FUBP3: variants seen among roughly 807,000 people sequenced by gnomAD.
FUBP3 encodes the protein far upstream element-binding protein 3.
In FUBP3, 28 loss-of-function variants were observed where a neutral mutation model predicts 85.6. The ratio of observed to expected loss-of-function variants is 0.33; its 90% confidence interval spans 0.24 to 0.45. The LOEUF (loss-of-function observed/expected upper bound fraction) is 0.45. FUBP3 is among the 20% of genes least tolerant of loss of function. The pLI, the probability that FUBP3 is intolerant of heterozygous loss-of-function variation, is 1.00. For missense variants in FUBP3, 583 were observed against 755.1 expected, an observed-to-expected ratio of 0.77 and a Z score of 2.67; for synonymous variants, 271 against 271.4, an observed-to-expected ratio of 1.00 and a Z score of 0.01.
intron 11 of FUBP3, among the ~76,000 whole-genome samples, chr9:130,625,476 C>G (rs1829933896): frequency 6.6e-6 from 1 of 152,174 alleles, no homozygotes; most frequent in Non-Finnish European, 1.5e-5. Context: ...CAGGTTTTGC[C>G]CAACATTTCT....
chr9:130,594,785 A>C (rs544756752), intron 1 of FUBP3, among the ~76,000 whole-genome samples: 1 of 151,980 alleles, frequency 6.6e-6, no homozygotes, highest in African/African-American at 2.4e-5. Context: ...AGGCCTTTCA[A>C]ATATTCTTGG....
chr9:130,600,549 G>A (rs975137203), intron 2 of FUBP3, among the ~76,000 whole-genome samples: 1 of 151,994 alleles, frequency 6.6e-6, no homozygotes, highest in African/African-American at 2.4e-5. Flanking sequence ...AGGCTGGAGT[G>A]CAGTGGGGCA....
In FUBP3 at chr9:130,614,160, G is replaced by A. The variant is rs746148518; in HGVS notation, c.347-128G>A. On this transcript the variant is annotated intron_variant, in intron 5 of 18. Coordinates refer to ENST00000319725, the MANE Select transcript of FUBP3 (RefSeq NM_003934.2). ...TTCTGTCCACAAGTGGAAGCAAACT[G>A]TCTTTTTCTGGGAGCCTGGGCCTCT... 11 of 576,926 alleles carry A rather than the reference G, an allele frequency of 1.9e-5. No individual in the cohort carries two copies. The East Asian group carries it at 2.2e-4, about 11-fold the overall frequency. The allele number at this position is 576,926 out of a possible 1,614,324, so 35.7% of individuals were successfully genotyped here.
chr9:130,615,957 T>C (rs758744757), intron 6 of FUBP3, among the ~76,000 whole-genome samples: 12 of 152,174 alleles, frequency 7.9e-5, no homozygotes, highest in Non-Finnish European at 1.3e-4. Context: ...ATTTAACAAA[T>C]GTATATATTG....
intron 2 of FUBP3, chr9:130,596,718 T>G: frequency 2.5e-6 from 1 of 396,872 alleles, no homozygotes; most frequent in South Asian, 1.9e-5. Flanking sequence ...ATGTCCTGAA[T>G]AAACCCTATG....
rs556915582 is a variant in FUBP3 at position 130,612,284 on chromosome 9, C to T, written c.225-172C>T. On this transcript the variant is annotated intron_variant, in intron 3 of 18. Coordinates refer to ENST00000319725, the MANE Select transcript of FUBP3 (RefSeq NM_003934.2). The surrounding 1 kb of genome is among the most constrained non-coding windows in gnomAD (Gnocchi z 4.1). Reference sequence around the variant, plus strand: ...TCTTTGGAAGGAGTGATTGACCAGACGGTTCATTACGTGACACTCTTTGTA... The same window carrying T: ...TCTTTGGAAGGAGTGATTGACCAGATGGTTCATTACGTGACACTCTTTGTA... 2.0e-5 allele frequency among the ~76,000 whole-genome samples: 3 copies of T among 152,276 alleles called. No individual in the cohort carries two copies. Among genetic ancestry groups the T allele is most frequent in the Admixed American group, 1.3e-4 (2 of 15,290 alleles).
chr9:130,633,375 C>G (rs1830291749), intron 16 of FUBP3, among the ~76,000 whole-genome samples: 1 of 152,214 alleles, frequency 6.6e-6, no homozygotes, highest in South Asian at 2.1e-4. Flanking sequence ...ACCCTGTTTC[C>G]TTTCCTCGGC....
In FUBP3 at chr9:130,606,450, G is replaced by A. The variant is rs140718798; in HGVS notation, c.191-3504G>A. 2.9e-3 allele frequency among the ~76,000 whole-genome samples: 434 copies of A among 152,260 alleles called. 1 individual carries two copies. Among genetic ancestry groups the A allele is most frequent in the Non-Finnish European group, 5.0e-3 (343 of 68,018 alleles). The stretch of plus-strand genomic sequence containing the variant: ...AGTGGTTCCGTGTGGGTGCCAGCCC[G>A]TGCTGGCTGTGCTGTCGTGAAGGAG... On this transcript the variant is annotated intron_variant, in intron 2 of 18. Coordinates refer to ENST00000319725, the MANE Select transcript of FUBP3 (RefSeq NM_003934.2).
At position 130,614,297 on chromosome 9, in the gene FUBP3, G is replaced by A. The variant is rs1215911888; in HGVS notation, c.356G>A (p.Gly119Glu). The change falls in exon 6 of 19, where the codon GGG becomes GAG. Residue 119 changes from glycine (G) to glutamate (E), a missense_variant. By Grantham distance (98) the Gly-to-Glu change is moderately conservative. Coordinates refer to ENST00000319725, the MANE Select transcript of FUBP3 (RefSeq NM_003934.2). ...CKIQIASESSGIPERPCVLTG... is the reference protein window; with the variant it reads ...CKIQIASESSEIPERPCVLTG... ...TTGATTCTTCTTATAGAGAGTTCTG[G>A]GATTCCAGAGAGGCCCTGTGTACTT... 6.2e-7 allele frequency: 1 copy of A among 1,601,648 alleles called. No homozygotes were observed. The highest frequency in any genetic ancestry group is 1.7e-5 in the Admixed American group (1 of 59,964).
At chr9:130,624,653 T>TGTG (rs1456228434) in intron 11 of FUBP3, among the ~76,000 whole-genome samples, 96 of 132,810 alleles carry the variant, frequency 7.2e-4, no homozygotes, top group African/African-American at 2.5e-3. Context: ...GTGTGTGTGT[T>TGTG]TTTAAGCTCA....
At chr9:130,583,748 G>T (rs1433790487) in intron 1 of FUBP3, among the ~76,000 whole-genome samples, 1 of 152,144 alleles carries the variant, frequency 6.6e-6, no homozygotes, top group African/African-American at 2.4e-5. Context: ...ATGTCACTGA[G>T]TGTGTGTGCG....
chr9:130,589,667 A>ATGTGTGTGTGTGTGTATG, intron 1 of FUBP3, among the ~76,000 whole-genome samples: 1 of 60,044 alleles, frequency 1.7e-5, no homozygotes, highest in East Asian at 5.4e-4. Context: ...ATATGTATGT[A>ATGTGTGTGTGTGTGTATG]TGTGTGTGTA....
Position 130,612,383 on chromosome 9 carries a change from G to A in FUBP3, c.225-73G>A. 3.4e-6 allele frequency: 3 copies of A among 874,572 alleles called. No homozygotes were observed. The highest frequency in any genetic ancestry group is 3.8e-6 in the Non-Finnish European group (2 of 526,280). 54.2% of individuals were successfully genotyped at this position (874,572 alleles called of 1,614,324 possible). A position where few individuals can be genotyped will look rare whatever the true frequency, so the allele number is the denominator to read the frequency against. On this transcript the variant is annotated intron_variant, in intron 3 of 18. Coordinates refer to ENST00000319725, the MANE Select transcript of FUBP3 (RefSeq NM_003934.2). This position sits in a 1 kb window ranked among gnomAD's most constrained non-coding sequence, Gnocchi z 4.1. Reference sequence around the variant, plus strand: ...TTATCATGCAACATTGCCAGTATGGGCAGTTTGGGGACCTAAAATGGCTGC... The same window carrying A: ...TTATCATGCAACATTGCCAGTATGGACAGTTTGGGGACCTAAAATGGCTGC...
In FUBP3 at chr9:130,595,373, A is replaced by G. The variant is rs1830819924; in HGVS notation, c.85-110A>G. ...CTTGCGGTGCTGCCTTCCATTAATC[A>G]AGGTCAGGGGAGAAATGGGATAATA... is the stretch of plus-strand genomic sequence containing the variant. On this transcript the variant is annotated intron_variant, in intron 1 of 18. Coordinates refer to ENST00000319725, the MANE Select transcript of FUBP3 (RefSeq NM_003934.2). 5.8e-6 allele frequency: 4 copies of G among 692,792 alleles called. No homozygotes were observed. The Admixed American group carries it at 8.3e-5, about 14-fold the overall frequency. The allele number at this position is 692,792 out of a possible 1,614,324, so 42.9% of individuals were successfully genotyped here. A position where few individuals can be genotyped will look rare whatever the true frequency, so the allele number is the denominator to read the frequency against.
At chr9:130,585,699 C>G (rs116276468) in intron 1 of FUBP3, among the ~76,000 whole-genome samples, 1 of 152,214 alleles carries the variant, frequency 6.6e-6, no homozygotes, top group East Asian at 1.9e-4. Context: ...TAGATCACTT[C>G]GTGCCCTCTT....
At chr9:130,630,886 C>A in intron 13 of FUBP3, 98 bp downstream of exon 13, 1 of 940,016 alleles carries the variant, frequency 1.1e-6, no homozygotes, top group Non-Finnish European at 1.5e-6. Flanking sequence ...GCTGCTTGTG[C>A]CTGTGGGTTC....
In FUBP3 at chr9:130,579,663, A is replaced by ACGG. The variant is rs1830044555; in HGVS notation, c.-11_-9dup. On this transcript the variant is annotated 5_prime_UTR_variant, in exon 1 of 19. Coordinates refer to ENST00000319725, the MANE Select transcript of FUBP3 (RefSeq NM_003934.2). ...GTCGGCGGCGTCGGCGGCGGCGGCG[A>ACGG]CGGCGGCGGGGGCGGTAATGGCGGA... 6 of 1,205,008 alleles carry ACGG rather than the reference A, an allele frequency of 5.0e-6. No individual in the cohort carries two copies. The highest frequency in any genetic ancestry group is 5.2e-6 in the Non-Finnish European group (5 of 958,450). The allele number at this position is 1,205,008 out of a possible 1,614,324, so 74.6% of individuals were successfully genotyped here. A position where few individuals can be genotyped will look rare whatever the true frequency, so the allele number is the denominator to read the frequency against.
intron 8 of FUBP3, among the ~76,000 whole-genome samples, chr9:130,618,278 A>T (rs1832111780): frequency 6.6e-6 from 1 of 152,154 alleles, no homozygotes; most frequent in South Asian, 2.1e-4. Flanking sequence ...CCCCCACGTC[A>T]TCCTTCCAGG....
In FUBP3 at chr9:130,603,347, C is replaced by CAAAAA. The variant is rs34850259; in HGVS notation, c.191-6590_191-6586dup. ...GGGCGACAGAGCAAGACTCTGTCTC[C>CAAAAA]AAAAAAAAAAAAAAAAAAAAACAAA... On this transcript the variant is annotated intron_variant, in intron 2 of 18. Coordinates refer to ENST00000319725, the MANE Select transcript of FUBP3 (RefSeq NM_003934.2). Among the ~76,000 whole-genome samples, 730 of 83,744 alleles carry CAAAAA rather than the reference C, an allele frequency of 8.7e-3. 27 individuals are homozygous for CAAAAA. The highest frequency in any genetic ancestry group is 0.026 in the African/African-American group (511 of 19,642). 54.9% of individuals were successfully genotyped at this position (83,744 alleles called of 152,430 possible).
Sources: allele counts gnomAD v4.1 joint callset (sites outside exome capture counted in the v4.1 genomes callset), GRCh38; gene constraint gnomAD v4.1.1; non-coding constraint Gnocchi (gnomAD v3.1); transcripts MANE v1.5; gene names NCBI Gene and HGNC (gene_info 2026-07-23, HGNC 2026-07-21).